Variants in SHISA6 observed in about 807,000 individuals in gnomAD.
SHISA6 encodes shisa family member 6.
SHISA6 carries 22 observed loss-of-function variants against 47.9 expected under a neutral mutation model. The observed-to-expected ratio is 0.46, with a 90% confidence interval of 0.33 to 0.66. The LOEUF is 0.66. SHISA6 is among the 30% of genes least tolerant of loss of function. The pLI, the probability that SHISA6 is intolerant of heterozygous loss-of-function variation, is 0.02. For missense variants in SHISA6, 680 were observed against 764.6 expected, an observed-to-expected ratio of 0.89 and a Z score of 1.30; for synonymous variants, 388 against 337.8, an observed-to-expected ratio of 1.15 and a Z score of -1.63.
chr17:11,325,832 C>T (rs547791465), intron 2 of SHISA6, among the ~76,000 whole-genome samples: 1 of 152,154 alleles, frequency 6.6e-6, no homozygotes, highest in African/African-American at 2.4e-5. Context: ...TCAGTCTTTC[C>T]TGCTTTGAAA....
At chr17:11,341,524 G>A (rs1011257878) in intron 2 of SHISA6, among the ~76,000 whole-genome samples, 3 of 151,786 alleles carry the variant, frequency 2.0e-5, no homozygotes, top group Non-Finnish European at 2.9e-5. Context: ...TATTAGACAC[G>A]GGGTTTCGCC....
chr17:11,454,735 G>C (rs1188704550), intron 3 of SHISA6, among the ~76,000 whole-genome samples: 6 of 152,064 alleles, frequency 3.9e-5, no homozygotes, highest in Non-Finnish European at 2.9e-5. Flanking sequence ...TATCCAAATG[G>C]GTTATTTTTA....
chr17:11,419,667 C>A (rs1303172125), intron 3 of SHISA6, among the ~76,000 whole-genome samples: 5 of 152,000 alleles, frequency 3.3e-5, no homozygotes. Flanking sequence ...ATAAGTACCC[C>A]AAAAAAGGTA....
intron 2 of SHISA6, among the ~76,000 whole-genome samples, chr17:11,299,212 C>T (rs1169880063): frequency 6.6e-6 from 1 of 152,124 alleles, no homozygotes; most frequent in Admixed American, 6.5e-5. Context: ...ATGTTCTCCC[C>T]CATAAAATAA....
At position 11,465,748 on chromosome 17, in the gene SHISA6, G is replaced by T. The variant is rs149151611; in HGVS notation, c.896-86148G>T. Among the ~76,000 whole-genome samples, 440 of 152,258 alleles carry T rather than the reference G, an allele frequency of 2.9e-3. 2 individuals are homozygous for T. Among genetic ancestry groups the T allele is most frequent in the Middle Eastern group, 0.014 (4 of 294 alleles). ...GCAGTGGGGGTGATGCTGCTTCAAG[G>T]CTGAGCTTCATACATGGTCACTTTG... On this transcript the variant is annotated intron_variant, in intron 3 of 5. Coordinates refer to ENST00000441885, the MANE Select transcript of SHISA6 (RefSeq NM_207386.4).
At position 11,529,657 on chromosome 17, in the gene SHISA6, A is replaced by C. The variant is rs376758140; in HGVS notation, c.896-22239A>C. 7.3e-4 allele frequency among the ~76,000 whole-genome samples: 111 copies of C among 152,342 alleles called. 1 individual carries two copies. Among genetic ancestry groups the C allele is most frequent in the South Asian group, 7.2e-3 (35 of 4,830 alleles). ...TAAATTAATAAATTACCAAAGGACA[A>C]ACCATAGAGGAAAATACTGATAAAG... On this transcript the variant is annotated intron_variant, in intron 3 of 5. Coordinates refer to ENST00000441885, the MANE Select transcript of SHISA6 (RefSeq NM_207386.4).
chr17:11,406,992 C>G (rs1362026068), intron 3 of SHISA6, among the ~76,000 whole-genome samples: 1 of 152,032 alleles, frequency 6.6e-6, no homozygotes, highest in East Asian at 1.9e-4. Context: ...TGGCAGAAGT[C>G]TAAATTTTGG....
chr17:11,390,363 A>G (rs1913343208), intron 3 of SHISA6, among the ~76,000 whole-genome samples: 1 of 152,172 alleles, frequency 6.6e-6, no homozygotes, highest in South Asian at 2.1e-4. Flanking sequence ...CCTGCACCAG[A>G]GCTCTGAGCA....
chr17:11,465,439 C>T (rs895668657), intron 3 of SHISA6, among the ~76,000 whole-genome samples: 6 of 152,046 alleles, frequency 3.9e-5, no homozygotes, highest in Non-Finnish European at 4.4e-5. Flanking sequence ...TAGTGTCTGG[C>T]TCTGCTGGTC....
intron 1 of SHISA6, among the ~76,000 whole-genome samples, chr17:11,247,775 CTTTTT>C (rs1248779153): frequency 7.4e-6 from 1 of 134,574 alleles, no homozygotes; most frequent in Admixed American, 7.5e-5. Context: ...TGGCGTCTTT[CTTTTT>C]TTTTTTTTTT....
intron 3 of SHISA6, among the ~76,000 whole-genome samples, chr17:11,502,110 G>A: frequency 6.6e-6 from 1 of 152,140 alleles, no homozygotes; most frequent in East Asian, 1.9e-4. Context: ...CCATTGCAGA[G>A]GGTTAAGACT....
At chr17:11,488,636 T>C (rs1018858440) in intron 3 of SHISA6, among the ~76,000 whole-genome samples, 1 of 152,232 alleles carries the variant, frequency 6.6e-6, no homozygotes, top group Non-Finnish European at 1.5e-5. Context: ...TTGTTCTGCT[T>C]TGTTCTCTGT....
intron 2 of SHISA6, among the ~76,000 whole-genome samples, chr17:11,341,936 A>T (rs1401462573): frequency 6.6e-6 from 1 of 152,124 alleles, no homozygotes; most frequent in African/African-American, 2.4e-5. Context: ...GTGGGAGAAG[A>T]GGTGTCTGGG....
In SHISA6 at chr17:11,494,774, G is replaced by A. The variant is rs570663001; in HGVS notation, c.896-57122G>A. On this transcript the variant is annotated intron_variant, in intron 3 of 5. Transcript: ENST00000441885. ...CAGGTGATGGGTTAACCCGGTGACA[G>A]TGCCAGGCTCGATTCCTCAGGTGGA... Among the ~76,000 whole-genome samples the A allele has an allele frequency of 2.0e-4, 30 of 152,348 alleles. 1 individual carries two copies. In the South Asian group the frequency reaches 6.0e-3, roughly 30 times the overall value.
chr17:11,554,906 G>T (rs2071962935), intron 4 of SHISA6, among the ~76,000 whole-genome samples: 1 of 151,922 alleles, frequency 6.6e-6, no homozygotes, highest in African/African-American at 2.4e-5. Context: ...GCTCCCATCA[G>T]CCATCCTCTC....
chr17:11,540,842 C>T (rs997906589), intron 3 of SHISA6, among the ~76,000 whole-genome samples: 1 of 152,122 alleles, frequency 6.6e-6, no homozygotes, highest in African/African-American at 2.4e-5. Context: ...TTCATGGAAC[C>T]CAGATATATA....
At chr17:11,438,692 A>G (rs1168400780) in intron 3 of SHISA6, among the ~76,000 whole-genome samples, 1 of 152,216 alleles carries the variant, frequency 6.6e-6, no homozygotes, top group Non-Finnish European at 1.5e-5. Context: ...ACTGGGAGTT[A>G]GGGTTTCAAC....
At chr17:11,387,535 G>A (rs1597488126) in intron 3 of SHISA6, among the ~76,000 whole-genome samples, 1 of 152,232 alleles carries the variant, frequency 6.6e-6, no homozygotes, top group Admixed American at 6.5e-5. Context: ...ATGAAGCCAG[G>A]CCTGGCTTAT....
At chr17:11,540,773 G>A (rs1450245080) in intron 3 of SHISA6, among the ~76,000 whole-genome samples, 2 of 152,122 alleles carry the variant, frequency 1.3e-5, no homozygotes, top group Non-Finnish European at 2.9e-5. Context: ...TAGTATGCAG[G>A]ATTCAAAACT....
Sources: gnomAD v4.1 joint callset for allele counts (sites outside exome capture counted in the v4.1 genomes callset) on GRCh38, gnomAD v4.1.1 for gene constraint, MANE v1.5 for transcripts, NCBI Gene and HGNC (gene_info 2026-07-23, HGNC 2026-07-21) for gene names.